The following EYS variants were observed in gnomAD, a reference collection of about 807,000 sequenced individuals.
EYS encodes protein eyes shut homolog.
EYS carries 250 observed loss-of-function variants against 282.1 expected under a neutral mutation model. The observed-to-expected ratio is 0.89, with a 90% CI of 0.80 to 0.98. EYS has a LOEUF of 0.98. Ranked by LOEUF, EYS falls within the 50% of genes least tolerant of loss-of-function variation. The pLI is 0.00. For synonymous variants in EYS, 1,355 were observed against 1,282.9 expected, an observed-to-expected ratio of 1.06 and a Z score of -1.20; for missense variants, 4,016 against 3,709.0, an observed-to-expected ratio of 1.08 and a Z score of -2.15.
chr6:65,688,545 C>T (rs924294410), intron 1 of EYS, among the ~76,000 whole-genome samples: 5 of 151,928 alleles, frequency 3.3e-5, no homozygotes, highest in Non-Finnish European at 7.4e-5. Context: ...AAAGCGATGG[C>T]AACAAAAGCC....
At position 65,704,842 on chromosome 6, in the gene EYS, G is replaced by T. The variant is rs187322095; in HGVS notation, c.-448+2293C>A. ...CTGAGTTCTCTTGGGGCAAAACCCAGAATATGACCTGAGGCACATTTTCTA... is the reference window on the plus strand; with the variant it reads ...CTGAGTTCTCTTGGGGCAAAACCCATAATATGACCTGAGGCACATTTTCTA... On this transcript the variant is annotated intron_variant, in intron 1 of 42. Coordinates refer to ENST00000503581, the MANE Select transcript of EYS (RefSeq NM_001142800.2). 2.6e-5 allele frequency among the ~76,000 whole-genome samples: 4 copies of T among 152,258 alleles called. No homozygotes were observed. In the East Asian group the frequency reaches 5.8e-4, roughly 22 times the overall value.
At chr6:64,779,488 G>A (rs1002691112) in intron 22 of EYS, among the ~76,000 whole-genome samples, 1 of 152,080 alleles carries the variant, frequency 6.6e-6, no homozygotes, top group Non-Finnish European at 1.5e-5. Flanking sequence ...AGTTGGGTTG[G>A]GGGAAGGGAA....
At chr6:64,775,981 T>C (rs935164483) in intron 22 of EYS, among the ~76,000 whole-genome samples, 1 of 152,110 alleles carries the variant, frequency 6.6e-6, no homozygotes, top group African/African-American at 2.4e-5. Flanking sequence ...CACCCTTTAC[T>C]ATTATCAACT....
At chr6:64,422,470 G>A (rs1481020761) in intron 28 of EYS, among the ~76,000 whole-genome samples, 1 of 152,172 alleles carries the variant, frequency 6.6e-6, no homozygotes, top group East Asian at 1.9e-4. Context: ...ATCTGCTGAG[G>A]ACCTTCGTAC....
chr6:64,045,062 C>CTCAG (rs1770556747), intron 33 of EYS, among the ~76,000 whole-genome samples: 1 of 152,134 alleles, frequency 6.6e-6, no homozygotes, highest in African/African-American at 2.4e-5. Flanking sequence ...ATGGCCCTTA[C>CTCAG]TCAGCCATCT....
rs199789303 is a variant in EYS, at chr6:65,334,912, C to T, written c.1766+68G>A. 5.1e-5 allele frequency: 74 copies of T among 1,439,058 alleles called. No homozygotes were observed. In the East Asian group the frequency reaches 9.8e-4, roughly 19 times the overall value. The allele number at this position is 1,439,058 out of a possible 1,614,324, so 89.1% of individuals were successfully genotyped here. Reference sequence around the variant, plus strand: ...AAAACATTGTTACCATGAAACAGTTCGATGACTATCAATTTAATTATAACT... The same window carrying T: ...AAAACATTGTTACCATGAAACAGTTTGATGACTATCAATTTAATTATAACT... On this transcript the variant is annotated intron_variant, in intron 11 of 42. Transcript: ENST00000503581.
At chr6:64,501,298 T>C (rs1205817720) in intron 26 of EYS, among the ~76,000 whole-genome samples, 2 of 151,998 alleles carry the variant, frequency 1.3e-5, no homozygotes. Flanking sequence ...AGCTGTCAAA[T>C]ACTAAAATAA....
At chr6:65,050,559 C>T (rs1447623475) in intron 13 of EYS, among the ~76,000 whole-genome samples, 1 of 147,514 alleles carries the variant, frequency 6.8e-6, no homozygotes, top group Non-Finnish European at 1.5e-5. Context: ...TTGATCTGGA[C>T]TTGACTTTAA....
intron 33 of EYS, among the ~76,000 whole-genome samples, chr6:64,025,354 C>T (rs1769443393): frequency 6.6e-6 from 1 of 152,122 alleles, no homozygotes; most frequent in African/African-American, 2.4e-5. Context: ...TTGGTTGACC[C>T]TGCAGCCATG....
At chr6:65,474,038 G>A (rs147423898) in intron 5 of EYS, among the ~76,000 whole-genome samples, 155 of 152,028 alleles carry the variant, frequency 1.0e-3, no homozygotes, top group African/African-American at 3.2e-3. Flanking sequence ...TTAAAATACC[G>A]ATGACAAGTT....
At chr6:65,629,343 A>G (rs1012334497) in intron 2 of EYS, among the ~76,000 whole-genome samples, 2 of 152,196 alleles carry the variant, frequency 1.3e-5, no homozygotes, top group African/African-American at 4.8e-5. Flanking sequence ...AGAATTCTGG[A>G]CAGAAATATA....
At chr6:63,841,434 T>A (rs1035116820) in intron 36 of EYS, among the ~76,000 whole-genome samples, 2 of 152,188 alleles carry the variant, frequency 1.3e-5, no homozygotes, top group African/African-American at 4.8e-5. Context: ...ATTTTTGGTG[T>A]TCTTATCTAT....
intron 12 of EYS, among the ~76,000 whole-genome samples, chr6:65,168,031 C>T (rs961288346): frequency 1.3e-5 from 2 of 151,136 alleles, no homozygotes; most frequent in African/African-American, 2.4e-5. Flanking sequence ...TAAAGTCTAC[C>T]TCAAATGCTT....
At chr6:65,331,738 TTGTTGAGCACTATTCTA>T in intron 11 of EYS, 1 of 980,864 alleles carries the variant, frequency 1.0e-6, no homozygotes, top group Non-Finnish European at 1.2e-6. Flanking sequence ...AAACAAGTAT[TTGTTGAGCACTATTCTA>T]TGTGTCTTTT....
At chr6:63,825,065 CATGGTGGGAGT>C (rs1231024479) in intron 36 of EYS, among the ~76,000 whole-genome samples, 1 of 152,122 alleles carries the variant, frequency 6.6e-6, no homozygotes, top group Non-Finnish European at 1.5e-5. Context: ...TTGTTGGGGG[CATGGTGGGAGT>C]GAGACTGGCC....
At chr6:65,481,411 T>C (rs1402366111) in intron 5 of EYS, among the ~76,000 whole-genome samples, 1 of 152,204 alleles carries the variant, frequency 6.6e-6, no homozygotes, top group Non-Finnish European at 1.5e-5. Flanking sequence ...ACACTCTCAT[T>C]TCTCAATACA....
chr6:64,090,828 A>G (rs920771573), intron 31 of EYS, among the ~76,000 whole-genome samples: 2 of 152,080 alleles, frequency 1.3e-5, no homozygotes, highest in African/African-American at 4.8e-5. Flanking sequence ...GTTCCTCTTC[A>G]CTTGGAATGC....
At chr6:65,045,064 T>G (rs777816640) in intron 13 of EYS, among the ~76,000 whole-genome samples, 1 of 151,890 alleles carries the variant, frequency 6.6e-6, no homozygotes, top group South Asian at 2.1e-4. Context: ...GGTAACTCTT[T>G]AGTGCCTTAA....
At chr6:65,580,542 T>G (rs1764831125) in intron 2 of EYS, among the ~76,000 whole-genome samples, 1 of 152,122 alleles carries the variant, frequency 6.6e-6, no homozygotes, top group Non-Finnish European at 1.5e-5. Flanking sequence ...AAAATATAAC[T>G]AATCAGTCAT....
Sources: allele counts gnomAD v4.1 joint callset (sites outside exome capture counted in the v4.1 genomes callset), GRCh38; gene constraint gnomAD v4.1.1; transcripts MANE v1.5; gene names NCBI Gene and HGNC (gene_info 2026-07-23, HGNC 2026-07-21).